PIP4K2A: variants seen among roughly 807,000 people sequenced by gnomAD.
PIP4K2A encodes phosphatidylinositol-5-phosphate 4-kinase type 2 alpha, also known as phosphatidylinositol 5-phosphate 4-kinase type-2 alpha.
Under a neutral mutation model 42.9 loss-of-function variants are expected in PIP4K2A, and 14 were observed. That is an observed-to-expected ratio of 0.33 (90% CI 0.22 to 0.51). PIP4K2A has a LOEUF of 0.51. Among genes scored for constraint, PIP4K2A ranks in the 20% least tolerant of loss-of-function variants. The pLI is 0.97. For synonymous variants in PIP4K2A, 192 were observed against 192.2 expected (o/e 1.00, Z 0.01); for missense variants, 434 against 519.8 (o/e 0.83, Z 1.61).
At chr10:22,579,207 G>T (rs564552028) in intron 4 of PIP4K2A, among the ~76,000 whole-genome samples, 14 of 152,144 alleles carry the variant, frequency 9.2e-5, no homozygotes, top group Non-Finnish European at 1.6e-4. Flanking sequence ...AATGGTCACA[G>T]TTTATCTGTT....
At chr10:22,557,612 T>G (rs1018856676) in intron 6 of PIP4K2A, among the ~76,000 whole-genome samples, 1 of 152,258 alleles carries the variant, frequency 6.6e-6, no homozygotes, top group African/African-American at 2.4e-5. Flanking sequence ...TATGAACATT[T>G]TATTTTAGTG....
intron 7 of PIP4K2A, among the ~76,000 whole-genome samples, chr10:22,546,362 A>G (rs1036375826): frequency 6.6e-6 from 1 of 152,050 alleles, no homozygotes; most frequent in Non-Finnish European, 1.5e-5. Context: ...AGACCGGGGG[A>G]AAAAGAACCA....
rs185903391 is a variant in PIP4K2A at position 22,623,248 on chromosome 10, G to C, written c.145-13531C>G. 2.6e-3 allele frequency among the ~76,000 whole-genome samples: 393 copies of C among 152,212 alleles called. 4 individuals carry two copies. The highest frequency in any genetic ancestry group is 9.1e-3 in the African/African-American group (379 of 41,498). The stretch of plus-strand genomic sequence containing the variant: ...AGCACAAAAAAAGCACAAAGATCAA[G>C]TTTAGGTGTCTGGGGTCGGGGGTGA... On this transcript the variant is annotated intron_variant, in intron 1 of 9. Transcript: ENST00000376573.
In PIP4K2A at chr10:22,569,687, G is replaced by C. The variant is rs1223234015; in HGVS notation, c.640-1798C>G. Among the ~76,000 whole-genome samples the C allele has an allele frequency of 4.6e-5, 7 of 152,008 alleles. No homozygotes were observed. In the East Asian group the frequency reaches 1.2e-3, roughly 25 times the overall value. On this transcript the variant is annotated intron_variant, in intron 5 of 9. Coordinates refer to ENST00000376573, the MANE Select transcript of PIP4K2A (RefSeq NM_005028.5). ...TGTGTGTGTCTGTCTGTGTCTGTGT[G>C]TGTGTTTCCTCTCCTACAATATAAT...
chr10:22,577,709 C>T (rs56290940), intron 4 of PIP4K2A, among the ~76,000 whole-genome samples: 2,609 of 152,314 alleles, frequency 0.017, 46 homozygotes, highest in Middle Eastern at 0.065. Flanking sequence ...AGTCACACTG[C>T]GACGCATCTT....
intron 1 of PIP4K2A, among the ~76,000 whole-genome samples, chr10:22,647,368 T>C (rs149730556): frequency 9.2e-5 from 14 of 152,222 alleles, no homozygotes; most frequent in Non-Finnish European, 1.9e-4. Flanking sequence ...GTTTTCAAGC[T>C]CTGTCTTAAA....
chr10:22,686,297 C>T (rs1020975183), intron 1 of PIP4K2A, among the ~76,000 whole-genome samples: 4 of 152,178 alleles, frequency 2.6e-5, no homozygotes, highest in Admixed American at 1.3e-4. Flanking sequence ...CCACAAATTA[C>T]GTCTTAACTA....
intron 1 of PIP4K2A, among the ~76,000 whole-genome samples, chr10:22,683,458 G>A (rs931051485): frequency 2.6e-5 from 4 of 152,126 alleles, no homozygotes; most frequent in Admixed American, 2.0e-4. Context: ...GGACTTAGCC[G>A]AGTCACTTAC....
intron 6 of PIP4K2A, among the ~76,000 whole-genome samples, chr10:22,565,563 C>T (rs1482106893): frequency 6.6e-6 from 1 of 152,122 alleles, no homozygotes; most frequent in Non-Finnish European, 1.5e-5. Flanking sequence ...TGCCTCAGGA[C>T]CATGGGATAA....
At chr10:22,690,091 G>A (rs1023326783) in intron 1 of PIP4K2A, among the ~76,000 whole-genome samples, 1 of 152,134 alleles carries the variant, frequency 6.6e-6, no homozygotes, top group Non-Finnish European at 1.5e-5. Flanking sequence ...TACAGCAGCA[G>A]CATCATAACA....
intron 6 of PIP4K2A, among the ~76,000 whole-genome samples, chr10:22,553,453 G>C (rs191514567): frequency 2.0e-5 from 3 of 152,336 alleles, no homozygotes; most frequent in East Asian, 3.9e-4. Flanking sequence ...GCAGCCTTAG[G>C]TAACCTGCTT....
At chr10:22,676,516 G>A (rs1190598837) in intron 1 of PIP4K2A, among the ~76,000 whole-genome samples, 1 of 152,106 alleles carries the variant, frequency 6.6e-6, no homozygotes, top group Non-Finnish European at 1.5e-5. Flanking sequence ...TCTGAATGTG[G>A]CACGATACAG....
intron 1 of PIP4K2A, among the ~76,000 whole-genome samples, chr10:22,713,353 C>T (rs1015500280): frequency 6.6e-6 from 1 of 152,112 alleles, no homozygotes; most frequent in East Asian, 1.9e-4. Flanking sequence ...AACTCGGGAC[C>T]CCCTCCGCCC....
chr10:22,691,785 C>T (rs1839874706), intron 1 of PIP4K2A: 1 of 152,136 alleles, frequency 6.6e-6, no homozygotes, highest in Non-Finnish European at 1.5e-5. Context: ...ACTCTAACTT[C>T]CCAAAAATAA....
intron 4 of PIP4K2A, among the ~76,000 whole-genome samples, chr10:22,580,904 A>C (rs1837260372): frequency 6.6e-6 from 1 of 152,158 alleles, no homozygotes; most frequent in East Asian, 1.9e-4. Flanking sequence ...GCAGTGCTCT[A>C]ATGCGGCCCG....
In PIP4K2A at chr10:22,714,453, C is replaced by CCCG. The variant is rs928756717; in HGVS notation, c.-130_-128dup. 1.6e-4 allele frequency: 69 copies of CCCG among 442,852 alleles called. No individual in the cohort carries two copies. Among genetic ancestry groups the CCCG allele is most frequent in the African/African-American group, 6.7e-4 (31 of 46,558 alleles). 27.4% of individuals were successfully genotyped at this position (442,852 alleles called of 1,614,324 possible). A position where few individuals can be genotyped will look rare whatever the true frequency, so the allele number is the denominator to read the frequency against. On this transcript the variant is annotated 5_prime_UTR_variant, in exon 1 of 10. Coordinates refer to ENST00000376573, the MANE Select transcript of PIP4K2A (RefSeq NM_005028.5). ...CCCCGGCGCGCCGCGCTCCGCTCCG[C>CCCG]CCGCCGCCGCCGGCGCGCTCAGCCC... is the stretch of plus-strand genomic sequence containing the variant.
At chr10:22,638,755 T>C (rs146996396) in intron 1 of PIP4K2A, among the ~76,000 whole-genome samples, 22 of 152,342 alleles carry the variant, frequency 1.4e-4, no homozygotes, top group Admixed American at 1.4e-3. Context: ...TTTAAGTATG[T>C]AGGACCTTGA....
chr10:22,619,080 G>GA (rs35386541), intron 1 of PIP4K2A, among the ~76,000 whole-genome samples: 65,810 of 151,774 alleles, frequency 0.43, 15,532 homozygotes, highest in African/African-American at 0.62. Context: ...TGTACTGGGG[G>GA]AAAAAATCAC....
At chr10:22,663,717 G>A (rs1000270786) in intron 1 of PIP4K2A, among the ~76,000 whole-genome samples, 37 of 151,574 alleles carry the variant, frequency 2.4e-4, no homozygotes, top group African/African-American at 7.5e-4. Context: ...TTATAAAAGC[G>A]GAAAGCACAC....
Sources: gnomAD v4.1 joint callset for allele counts (sites outside exome capture counted in the v4.1 genomes callset) on GRCh38, gnomAD v4.1.1 for gene constraint, MANE v1.5 for transcripts, NCBI Gene and HGNC (gene_info 2026-07-23, HGNC 2026-07-21) for gene names.